The following NELL2 variants were observed in gnomAD, a reference collection of about 807,000 sequenced individuals.
NELL2 encodes the protein protein kinase C-binding protein NELL2.
In NELL2, 41 loss-of-function variants were observed where a neutral mutation model predicts 109.6. The ratio of observed to expected loss-of-function variants is 0.37; its 90% CI spans 0.29 to 0.49. NELL2 has a LOEUF of 0.49. Ranked by LOEUF, NELL2 falls within the 20% of genes least tolerant of loss-of-function variation. The pLI is 0.98. For synonymous variants in NELL2, 355 were observed against 344.7 expected (o/e 1.03, Z -0.33); for missense variants, 900 against 1,008.3 (o/e 0.89, Z 1.45).
intron 15 of NELL2, among the ~76,000 whole-genome samples, chr12:44,553,414 A>G (rs550410860): frequency 6.6e-6 from 1 of 152,288 alleles, no homozygotes; most frequent in Admixed American, 6.5e-5. Flanking sequence ...ATTTGGCTTC[A>G]TATCTACAGC....
rs572618300 is a variant in NELL2 at position 44,539,091 on chromosome 12, T to C, written c.1664-6370A>G. 7.2e-5 allele frequency among the ~76,000 whole-genome samples: 11 copies of C among 152,316 alleles called. No individual in the cohort carries two copies. The South Asian group carries it at 2.1e-3, about 29-fold the overall frequency. On this transcript the variant is annotated intron_variant, in intron 15 of 19. Transcript: ENST00000429094. ...ATTTGATCTCCTATTACTTAATGAT[T>C]TGTCTGTTTCCCCCCATATTCTCCT...
At chr12:44,741,657 T>G (rs1939973421) in intron 9 of NELL2, among the ~76,000 whole-genome samples, 1 of 152,284 alleles carries the variant, frequency 6.6e-6, no homozygotes, top group Non-Finnish European at 1.5e-5. Flanking sequence ...GGAGATTATA[T>G]CCCGCATCTG....
At chr12:44,813,961 A>T (rs1370720401) in intron 3 of NELL2, among the ~76,000 whole-genome samples, 1 of 152,210 alleles carries the variant, frequency 6.6e-6, no homozygotes, top group African/African-American at 2.4e-5. Context: ...TCAGTTGCTT[A>T]AAAAAACATT....
At chr12:44,743,303 A>G (rs1164176240) in intron 9 of NELL2, among the ~76,000 whole-genome samples, 2 of 152,218 alleles carry the variant, frequency 1.3e-5, no homozygotes, top group Non-Finnish European at 1.5e-5. Context: ...TGAAGGAAGC[A>G]CTAAACATGG....
At chr12:44,606,145 T>C (rs1024858377) in intron 15 of NELL2, among the ~76,000 whole-genome samples, 1 of 152,132 alleles carries the variant, frequency 6.6e-6, no homozygotes. Context: ...GCAGTACTTA[T>C]AGAAAGAGAT....
intron 15 of NELL2, among the ~76,000 whole-genome samples, chr12:44,546,938 C>T (rs1942819009): frequency 6.6e-6 from 1 of 152,206 alleles, no homozygotes; most frequent in Non-Finnish European, 1.5e-5. Context: ...TGGCTGCTAA[C>T]TGCCAGGTAT....
intron 9 of NELL2, among the ~76,000 whole-genome samples, chr12:44,742,103 G>A (rs564853613): frequency 3.3e-5 from 5 of 152,210 alleles, no homozygotes; most frequent in Admixed American, 3.3e-4. Context: ...GTACTCCTCC[G>A]AGACAAAACT....
chr12:44,769,788 C>T lies in NELL2; in HGVS notation c.994+4959G>A, dbSNP rs11182661. Among the ~76,000 whole-genome samples the T allele has an allele frequency of 2.2e-3, 340 of 152,254 alleles. 9 individuals carry two copies. The East Asian group carries it at 0.048, about 22-fold the overall frequency. Reference sequence around the variant, plus strand: ...ATATGCAGCAATAAGTATAACTGATCTGCAGTGGACGTCAAAATGATACAA... The same window carrying T: ...ATATGCAGCAATAAGTATAACTGATTTGCAGTGGACGTCAAAATGATACAA... On this transcript the variant is annotated intron_variant, in intron 9 of 19. Coordinates refer to ENST00000429094, the MANE Select transcript of NELL2 (RefSeq NM_001145108.2).
chr12:44,902,808 T>A lies in NELL2; in HGVS notation c.38+10991A>T, dbSNP rs557252974. Among the ~76,000 whole-genome samples the A allele has an allele frequency of 1.1e-3, 173 of 152,292 alleles. 1 individual carries two copies. The highest frequency in any genetic ancestry group is 3.9e-3 in the African/African-American group (163 of 41,552). ...AGAAAAACAAGCAATGGGGAAAGGA[T>A]TCCCTATAAAATAAATGGTGTTGGG... On this transcript the variant is annotated intron_variant, in intron 1 of 20. Coordinates refer to the NELL2 transcript ENST00000333837.
chr12:44,860,204 C>A (rs1944797166), intron 2 of NELL2, among the ~76,000 whole-genome samples: 1 of 152,176 alleles, frequency 6.6e-6, no homozygotes. Flanking sequence ...TATTGTACGT[C>A]CCAAATGACT....
intron 13 of NELL2, among the ~76,000 whole-genome samples, chr12:44,622,415 G>A (rs1946093558): frequency 6.6e-6 from 1 of 151,984 alleles, no homozygotes; most frequent in South Asian, 2.1e-4. Context: ...AATCTCTGCT[G>A]GAGAGAAATA....
At chr12:44,775,949 C>T in intron 8 of NELL2, 73 bp downstream of exon 8, 1 of 1,536,296 alleles carries the variant, frequency 6.5e-7, no homozygotes, top group Non-Finnish European at 8.8e-7. Context: ...TTCATGATTA[C>T]ATTGTTTTAA....
At chr12:44,629,693 T>G (rs532249646) in intron 13 of NELL2, among the ~76,000 whole-genome samples, 37 of 152,340 alleles carry the variant, frequency 2.4e-4, no homozygotes, top group African/African-American at 8.9e-4. Flanking sequence ...TCATGGTAAT[T>G]GAAACAAAAT....
intron 13 of NELL2, among the ~76,000 whole-genome samples, chr12:44,628,299 AT>A (rs1946336720): frequency 6.6e-6 from 1 of 152,158 alleles, no homozygotes; most frequent in African/African-American, 2.4e-5. Context: ...TCATTTCTGA[AT>A]TTCTTAGACT....
At position 44,712,049 on chromosome 12, in the gene NELL2, A is replaced by G. The variant is rs867367021; in HGVS notation, c.1087-655T>C. Among the ~76,000 whole-genome samples the G allele has an allele frequency of 2.0e-5, 3 of 152,208 alleles. No homozygotes were observed. The Middle Eastern group carries it at 0.01, about 518-fold the overall frequency. On this transcript the variant is annotated intron_variant, in intron 10 of 19. Transcript: ENST00000429094. ...TTCCCAAGGAGAAACCAAAATACAA[A>G]ATACACTTCTGATAATTGAAGTATT...
chr12:44,546,295 T>A (rs1942789336), intron 15 of NELL2, among the ~76,000 whole-genome samples: 1 of 151,506 alleles, frequency 6.6e-6, no homozygotes, highest in African/African-American at 2.4e-5. Flanking sequence ...TGAGTGGGTC[T>A]TAACCAGAAA....
intron 9 of NELL2, among the ~76,000 whole-genome samples, chr12:44,734,982 A>C (rs1055951282): frequency 5.3e-5 from 8 of 151,974 alleles, no homozygotes; most frequent in African/African-American, 1.9e-4. Flanking sequence ...GGATGGAACT[A>C]CTCCCTTCTG....
chr12:44,736,199 C>T (rs1331217947), intron 9 of NELL2, among the ~76,000 whole-genome samples: 3 of 151,476 alleles, frequency 2.0e-5, no homozygotes, highest in Non-Finnish European at 4.4e-5. Flanking sequence ...TTAGTAGAGA[C>T]GGGGTTTCAC....
intron 15 of NELL2, among the ~76,000 whole-genome samples, chr12:44,541,768 G>C (rs1359400098): frequency 6.6e-6 from 1 of 152,120 alleles, no homozygotes; most frequent in African/African-American, 2.4e-5. Context: ...TTGGCTATGT[G>C]GCAGCTATTG....
Sources: gnomAD v4.1 joint callset for allele counts (sites outside exome capture counted in the v4.1 genomes callset) on GRCh38, gnomAD v4.1.1 for gene constraint, MANE v1.5 for transcripts, NCBI Gene and HGNC (gene_info 2026-07-23, HGNC 2026-07-21) for gene names.